The following GPHN variants were observed in gnomAD, a reference collection of about 807,000 sequenced individuals.
GPHN encodes gephyrin.
GPHN carries 17 observed loss-of-function variants against 95.5 expected under a neutral mutation model. The observed-to-expected ratio is 0.18, with a 90% confidence interval of 0.12 to 0.27. GPHN has a LOEUF of 0.27. GPHN is among the 10% of genes least tolerant of loss of function. The pLI is 1.00. For missense variants in GPHN, 660 were observed against 978.1 expected (o/e 0.67, Z 4.34); for synonymous variants, 320 against 322.5 (o/e 0.99, Z 0.08).
chr14:67,172,641 C>T (rs2082663743), intron 21 of GPHN, among the ~76,000 whole-genome samples: 1 of 152,156 alleles, frequency 6.6e-6, no homozygotes, highest in Admixed American at 6.5e-5. Flanking sequence ...CCTCATCCTA[C>T]AGGTCAAACA....
intron 2 of GPHN, chr14:66,709,564 C>T (rs2069417315): frequency 5.8e-6 from 2 of 346,144 alleles, no homozygotes; most frequent in South Asian, 2.2e-5. Context: ...TTTCATCATA[C>T]TCCTCAGACT....
intron 1 of GPHN, among the ~76,000 whole-genome samples, chr14:66,541,849 A>C (rs1283611166): frequency 6.6e-6 from 1 of 152,234 alleles, no homozygotes; most frequent in African/African-American, 2.4e-5. Context: ...AATGATGTGA[A>C]TGAGACACAT....
chr14:66,760,942 C>T (rs1595815764), intron 2 of GPHN: 3 of 815,074 alleles, frequency 3.7e-6, no homozygotes, highest in Non-Finnish European at 2.0e-6. Flanking sequence ...GCCTCTTTTG[C>T]AGGCAAAGGG....
rs1287528663 is a variant in GPHN, at chr14:67,181,236, G to T, written c.*299G>T. 4 of 474,704 alleles carry T rather than the reference G, an allele frequency of 8.4e-6. No homozygotes were observed. The highest frequency in any genetic ancestry group is 1.9e-5 in the African/African-American group (1 of 51,782). The allele number at this position is 474,704 out of a possible 1,614,324, so 29.4% of individuals were successfully genotyped here. The stretch of plus-strand genomic sequence containing the variant: ...TAGCTTTTAGTAGACAGCGGTAGGT[G>T]CCTGCAGAACTTGTGTTTTTCTCAT... On this transcript the variant is annotated 3_prime_UTR_variant, in exon 23 of 23. Transcript: ENST00000478722.
intron 2 of GPHN, among the ~76,000 whole-genome samples, chr14:66,727,959 C>A (rs1021468707): frequency 4.6e-5 from 7 of 152,072 alleles, no homozygotes; most frequent in African/African-American, 1.7e-4. Context: ...GGCCCAGAGG[C>A]ATAGGAGGAA....
At chr14:67,510,604 C>T in the GPHN span, among the ~76,000 whole-genome samples, 2 of 152,156 alleles carry the variant, frequency 1.3e-5, no homozygotes, top group African/African-American at 4.8e-5. Context: ...GGAACCGCTG[C>T]TTGTGTTGCC....
At chr14:66,965,053 A>T (rs1014246800) in intron 8 of GPHN, 138 bp from the exon 9 acceptor site, 3 of 736,492 alleles carry the variant, frequency 4.1e-6, no homozygotes, top group Admixed American at 1.9e-5. Context: ...AAGTTGTTGG[A>T]TGCATTTATA....
At chr14:67,197,984 G>A in the GPHN span, 1 of 241,560 alleles carries the variant, frequency 4.1e-6, no homozygotes, top group Non-Finnish European at 6.7e-6. Context: ...TATCAGTCCT[G>A]TTTAGATGTA....
At chr14:67,268,445 G>A in the GPHN span, among the ~76,000 whole-genome samples, 1 of 152,134 alleles carries the variant, frequency 6.6e-6, no homozygotes, top group Non-Finnish European at 1.5e-5. Context: ...TGACAGTAAA[G>A]GAATGAAAGA....
chr14:67,428,939 G>A, the GPHN span, among the ~76,000 whole-genome samples: 1 of 152,200 alleles, frequency 6.6e-6, no homozygotes, highest in African/African-American at 2.4e-5. Context: ...CACCTCATCT[G>A]ATTAGCTGGT....
chr14:67,136,946 G>T (rs1164145563), intron 17 of GPHN, among the ~76,000 whole-genome samples: 2 of 151,920 alleles, frequency 1.3e-5, no homozygotes, highest in African/African-American at 2.4e-5. Flanking sequence ...CAGCGCTTTG[G>T]GAGGCCAGGA....
the GPHN span, among the ~76,000 whole-genome samples, chr14:67,456,166 A>G: frequency 0.014 from 2,134 of 152,338 alleles, 53 homozygotes; most frequent in African/African-American, 0.048. Flanking sequence ...AGACATGAAG[A>G]GACACTTCTC....
intron 16 of GPHN, among the ~76,000 whole-genome samples, chr14:67,118,482 T>C (rs1595219391): frequency 6.6e-6 from 1 of 152,094 alleles, no homozygotes; most frequent in East Asian, 1.9e-4. Flanking sequence ...TTCAAGCACT[T>C]TGGGAAGCCT....
intron 1 of GPHN, among the ~76,000 whole-genome samples, chr14:66,598,914 A>C (rs1328500355): frequency 6.6e-6 from 1 of 152,028 alleles, no homozygotes; most frequent in Non-Finnish European, 1.5e-5. Context: ...CTTTAGCTAA[A>C]CACTGGGATA....
Position 67,144,250 on chromosome 14 carries a change from A to ATATATATGT in GPHN, c.1836+801_1836+802insTATATATGT, listed in dbSNP as rs1555502004. 3.3e-4 allele frequency among the ~76,000 whole-genome samples: 19 copies of ATATATATGT among 57,774 alleles called. 1 individual carries two copies. The highest frequency in any genetic ancestry group is 1.5e-3 in the African/African-American group (19 of 12,484). 37.9% of individuals were successfully genotyped at this position (57,774 alleles called of 152,430 possible). On this transcript the variant is annotated intron_variant, in intron 18 of 22. Transcript: ENST00000478722. ...AGACCCTGTCTTAAAAAAAAAAAAAAATATATATATATATATATATATATA... is the reference window on the plus strand; with the variant it reads ...AGACCCTGTCTTAAAAAAAAAAAAAATATATATGTATATATATATATATATATATATATA...
At chr14:67,672,508 T>C in the GPHN span, among the ~76,000 whole-genome samples, 1 of 146,696 alleles carries the variant, frequency 6.8e-6, no homozygotes, top group African/African-American at 2.5e-5. Flanking sequence ...TTCAGTGGCA[T>C]GATCTCGGCT....
At chr14:66,802,259 T>C (rs1239214081) in intron 3 of GPHN, among the ~76,000 whole-genome samples, 1 of 152,196 alleles carries the variant, frequency 6.6e-6, no homozygotes, top group Non-Finnish European at 1.5e-5. Context: ...CTCAGGCTTA[T>C]GGCGAGTACT....
chr14:66,842,952 T>C (rs2153509162), intron 4 of GPHN, among the ~76,000 whole-genome samples: 1 of 152,264 alleles, frequency 6.6e-6, no homozygotes, highest in East Asian at 1.9e-4. Flanking sequence ...ATTTGCAGTT[T>C]ATTGATTACT....
At chr14:66,955,787 G>A (rs1220541920) in intron 8 of GPHN, among the ~76,000 whole-genome samples, 1 of 151,944 alleles carries the variant, frequency 6.6e-6, no homozygotes, top group Non-Finnish European at 1.5e-5. Flanking sequence ...TCCCACCTAT[G>A]AGTGAGAACA....
Sources: gnomAD v4.1 joint callset for allele counts (sites outside exome capture counted in the v4.1 genomes callset) on GRCh38, gnomAD v4.1.1 for gene constraint, MANE v1.5 for transcripts, NCBI Gene and HGNC (gene_info 2026-07-23, HGNC 2026-07-21) for gene names.